Variants in LRP1 observed in about 807,000 individuals in gnomAD.
LRP1 encodes prolow-density lipoprotein receptor-related protein 1.
A neutral mutation model predicts 541.5 loss-of-function variants in LRP1; 51 were observed. That is an observed-to-expected ratio of 0.09 (90% CI 0.08 to 0.12). The LOEUF (loss-of-function observed/expected upper bound fraction) is 0.12, where lower values mean the gene tolerates loss of function less well. LRP1 is among the 10% of genes least tolerant of loss of function. The probability of loss-of-function intolerance (pLI) is 1.00; values close to 1 mark genes in which losing one functional copy is unlikely to be tolerated. For synonymous variants in LRP1, 2,219 were observed against 2,470.8 expected, an observed-to-expected ratio of 0.90 and a Z score of 3.02; for missense variants, 3,878 against 6,376.2, an observed-to-expected ratio of 0.61 and a Z score of 13.34.
intron 23 of LRP1, 86 bp from the exon 24 acceptor site, chr12:57,175,823 G>C: frequency 6.3e-7 from 1 of 1,577,658 alleles, no homozygotes; most frequent in African/African-American, 1.3e-5. Context: ...CCAGTGCCCG[G>C]ACCAGCAGAG....
Position 57,204,901 on chromosome 12 carries a change from C to T in LRP1, c.11194+152C>T, listed in dbSNP as rs559534727. On this transcript the variant is annotated intron_variant, in intron 72 of 88. Coordinates refer to ENST00000243077, the MANE Select transcript of LRP1 (RefSeq NM_002332.3). This position sits in a 1 kb window ranked among gnomAD's most constrained non-coding sequence, Gnocchi z 5.3. ...CATTGCTAGGAGCCTGGGGGCTTTT[C>T]GTTAGGAAAGAGAAGCCCCTGGGGA... 2.1e-4 allele frequency: 286 copies of T among 1,383,710 alleles called. No individual in the cohort carries two copies. Among genetic ancestry groups the T allele is most frequent in the Non-Finnish European group, 2.5e-4 (260 of 1,027,312 alleles). The allele number at this position is 1,383,710 out of a possible 1,614,324, so 85.7% of individuals were successfully genotyped here.
chr12:57,138,077 CAA>C (rs941127895), intron 1 of LRP1, among the ~76,000 whole-genome samples: 4 of 152,088 alleles, frequency 2.6e-5, no homozygotes, highest in Non-Finnish European at 4.4e-5. Flanking sequence ...TAGAGGAAGA[CAA>C]AGAGAAAACA....
At chr12:57,198,742 C>G in intron 60 of LRP1, 72 bp downstream of exon 60, 5 of 1,415,916 alleles carry the variant, frequency 3.5e-6, no homozygotes, top group Non-Finnish European at 4.8e-6. Context: ...GACAGGGGAT[C>G]AAGTTTTGGG....
In LRP1 at chr12:57,178,746, G is replaced by A; in HGVS notation, c.4606+143G>A. ...CAGGGGTAGGCCGGCTGTTGACAGA[G>A]GCACTGTCTAGCAGCAGAGAAGGGT... On this transcript the variant is annotated intron_variant, in intron 27 of 88. Coordinates refer to ENST00000243077, the MANE Select transcript of LRP1 (RefSeq NM_002332.3). The surrounding 1 kb of genome is among the most constrained non-coding windows in gnomAD (Gnocchi z 5.8). 6.6e-7 allele frequency: 1 copy of A among 1,510,108 alleles called. No individual in the cohort carries two copies. Among genetic ancestry groups the A allele is most frequent in the Non-Finnish European group, 9.0e-7 (1 of 1,114,912 alleles). The allele number at this position is 1,510,108 out of a possible 1,614,324, so 93.5% of individuals were successfully genotyped here.
Position 57,158,772 on chromosome 12 carries a change from G to A in LRP1, c.1798+134G>A. ...GCACTGGTTGGCATGGAGATGAGGG[G>A]ATAGACAGATTGACCCCTGTGTGAC... is the stretch of plus-strand genomic sequence containing the variant. On this transcript the variant is annotated intron_variant, in intron 11 of 88. Coordinates refer to ENST00000243077, the MANE Select transcript of LRP1 (RefSeq NM_002332.3). The surrounding 1 kb of genome is among the most constrained non-coding windows in gnomAD (Gnocchi z 5.3). The A allele has an allele frequency of 1.2e-6, 1 of 815,588 alleles. No individual in the cohort carries two copies. The highest frequency in any genetic ancestry group is 2.0e-6 in the Non-Finnish European group (1 of 502,676). The allele number at this position is 815,588 out of a possible 1,614,324, so 50.5% of individuals were successfully genotyped here.
Position 57,177,286 on chromosome 12 carries a change from C to G in LRP1, c.4196+41C>G, listed in dbSNP as rs779368875. Reference sequence around the variant, plus strand: ...AGCCTTCTCCTGGCCCCATGGCCCCCCTGAAGTCCCATTCAGCCTGGCCAG... The same window carrying G: ...AGCCTTCTCCTGGCCCCATGGCCCCGCTGAAGTCCCATTCAGCCTGGCCAG... On this transcript the variant is annotated intron_variant, in intron 25 of 88. Coordinates refer to ENST00000243077, the MANE Select transcript of LRP1 (RefSeq NM_002332.3). The surrounding 1 kb of genome is among the most constrained non-coding windows in gnomAD (Gnocchi z 6.8). 1.2e-6 allele frequency: 2 copies of G among 1,604,116 alleles called. No individual in the cohort carries two copies. Among genetic ancestry groups the G allele is most frequent in the Non-Finnish European group, 1.7e-6 (2 of 1,172,368 alleles).
intron 12 of LRP1, among the ~76,000 whole-genome samples, chr12:57,160,209 C>T (rs1349138040): frequency 6.6e-6 from 1 of 152,148 alleles, no homozygotes; most frequent in African/African-American, 2.4e-5. Context: ...CTGATCCTGT[C>T]ACTCCCAGTT....
In LRP1 at chr12:57,169,389, C is replaced by G. The variant is rs1030146449; in HGVS notation, c.3163+82C>G. On this transcript the variant is annotated intron_variant, in intron 20 of 88. Transcript: ENST00000243077. ...CCAGCCTATCCATCTGTCTTTCAGA[C>G]CCACGGTGTGTCGGCCACCATCTGG... The G allele has an allele frequency of 2.2e-6, 3 of 1,350,026 alleles. No individual in the cohort carries two copies. The African/African-American group carries it at 4.3e-5, about 19-fold the overall frequency. The allele number at this position is 1,350,026 out of a possible 1,614,324, so 83.6% of individuals were successfully genotyped here.
At chr12:57,130,623 A>T (rs996595428) in intron 1 of LRP1, among the ~76,000 whole-genome samples, 1 of 152,068 alleles carries the variant, frequency 6.6e-6, no homozygotes, top group Admixed American at 6.5e-5. Context: ...AATAGAAAAA[A>T]AATTTGAGAG....
chr12:57,141,148 G>A (rs1043651303), intron 2 of LRP1, among the ~76,000 whole-genome samples: 4 of 152,166 alleles, frequency 2.6e-5, no homozygotes, highest in African/African-American at 9.7e-5. Context: ...GCATTTGGAG[G>A]GTGGACTCTA....
intron 48 of LRP1, 52 bp from the exon 49 acceptor site, chr12:57,194,302 C>T (rs1014711560): frequency 1.1e-5 from 16 of 1,500,252 alleles, no homozygotes; most frequent in Non-Finnish European, 1.4e-5. Flanking sequence ...CTGCCCCAGT[C>T]GGGGGTGATC....
At position 57,201,705 on chromosome 12, in the gene LRP1, T is replaced by C. The variant is rs2036659798; in HGVS notation, c.10469-75T>C. On this transcript the variant is annotated intron_variant, in intron 66 of 88. Transcript: ENST00000243077. The surrounding 1 kb of genome is among the most constrained non-coding windows in gnomAD (Gnocchi z 6.4). ...GACGTGTGACCCCCTCAGTGGCTGC[T>C]CCCTCACTCTCCCCACCCTCCCGGC... is the stretch of plus-strand genomic sequence containing the variant. 3 of 1,595,224 alleles carry C rather than the reference T, an allele frequency of 1.9e-6. No individual in the cohort carries two copies. Among genetic ancestry groups the C allele is most frequent in the Non-Finnish European group, 2.6e-6 (3 of 1,166,986 alleles).
chr12:57,145,525 A>T, intron 6 of LRP1, 35 bp downstream of exon 6: 1 of 1,602,980 alleles, frequency 6.2e-7, no homozygotes, highest in African/African-American at 1.3e-5. Context: ...AGGGCTGGGG[A>T]GGGTAGGGGA....
Position 57,210,162 on chromosome 12 carries a change from C to T in LRP1, c.12573C>T (p.Pro4191=). ...TGCCTGTGCCCTCTCCAACGCCCCCCCCAGATGGTATGCTTATGCCCTCCC... is the reference window on the plus strand; with the variant it reads ...TGCCTGTGCCCTCTCCAACGCCCCCTCCAGATGGTATGCTTATGCCCTCCC... ...TCVPVPSPTP[P]PDAPRPGTCN... is the part of the protein sequence containing the mutation. The change falls in exon 81 of 89, where the codon CCC becomes CCT. Residue 4191 remains proline, a synonymous_variant. Coordinates refer to ENST00000243077, the MANE Select transcript of LRP1 (RefSeq NM_002332.3). 2 of 1,598,462 alleles carry T rather than the reference C, an allele frequency of 1.3e-6. No homozygotes were observed. The highest frequency in any genetic ancestry group is 1.7e-6 in the Non-Finnish European group (2 of 1,172,158).
chr12:57,135,110 C>T (rs1022343001), intron 1 of LRP1, among the ~76,000 whole-genome samples: 7 of 152,144 alleles, frequency 4.6e-5, no homozygotes, highest in African/African-American at 1.2e-4. Flanking sequence ...AGAGGGGGGC[C>T]GCAAGGGCAC....
At position 57,195,381 on chromosome 12, in the gene LRP1, A is replaced by G; in HGVS notation, c.8419A>G (p.Ser2807Gly). ...DKDCADGADESIAAGCLYNST... is the reference protein window; with the variant it reads ...DKDCADGADEGIAAGCLYNST... ...AGACTGTGCTGATGGTGCAGACGAGAGCATCGCAGCTGGTTGCTGTGAGTG... is the reference window on the plus strand; with the variant it reads ...AGACTGTGCTGATGGTGCAGACGAGGGCATCGCAGCTGGTTGCTGTGAGTG... The change falls in exon 52 of 89, where the codon AGC becomes GGC. Residue 2807 changes from serine to glycine, a missense_variant. By Grantham distance (56) the Ser-to-Gly change is moderately conservative. This residue lies in a region of LRP1 where 1,100 missense variants were observed against 1,827.4 expected (regional missense o/e 0.60). Transcript: ENST00000243077. 1 of 1,608,178 alleles carries G rather than the reference A, an allele frequency of 6.2e-7. No homozygotes were observed. Among genetic ancestry groups the G allele is most frequent in the South Asian group, 1.1e-5 (1 of 91,084 alleles).
rs773495552 is a variant in LRP1 at position 57,203,436 on chromosome 12, C to T, written c.10866C>T (p.Ser3622=). 1.5e-5 allele frequency: 24 copies of T among 1,608,018 alleles called. No individual in the cohort carries two copies. Among genetic ancestry groups the T allele is most frequent in the East Asian group, 1.1e-4 (5 of 44,620 alleles). ...ACATGGACCAGTTCCAGTGCAAGAG[C>T]GGCCACTGCATCCCCCTGCGCTGGC... ...RCDMDQFQCK[S]GHCIPLRWRC... Residue 3622 remains serine (S), a synonymous_variant, in exon 70 of 89, where the codon AGC becomes AGT. Coordinates refer to ENST00000243077, the MANE Select transcript of LRP1 (RefSeq NM_002332.3).
chr12:57,153,699 T>G (rs1483523945), intron 6 of LRP1, among the ~76,000 whole-genome samples: 2 of 152,162 alleles, frequency 1.3e-5, no homozygotes, highest in African/African-American at 4.8e-5. Flanking sequence ...AGTTCATATT[T>G]TGAAATACTT....
chr12:57,211,581 G>A lies in LRP1; in HGVS notation c.13186G>A (p.Glu4396Lys), dbSNP rs1555189148. Reference protein sequence around the residue: ...SCTMNSKMMPECQCPPHMTGP... With the variant: ...SCTMNSKMMPKCQCPPHMTGP... ...TACCATGAACAGCAAAATGATGCCT[G>A]AGTGCCAGTGAGTTGGGCCCGGGCT... The change falls in exon 85 of 89, where the codon GAG (glutamate) becomes AAG (lysine). Residue 4396 changes from glutamate (E) to lysine (K), a missense_variant. Coordinates refer to ENST00000243077, the MANE Select transcript of LRP1 (RefSeq NM_002332.3). The surrounding 1 kb of genome is among the most constrained non-coding windows in gnomAD (Gnocchi z 4.3). 6.2e-7 allele frequency: 1 copy of A among 1,613,922 alleles called. No individual in the cohort carries two copies. Among genetic ancestry groups the A allele is most frequent in the Non-Finnish European group, 8.5e-7 (1 of 1,180,004 alleles).
Sources: allele counts gnomAD v4.1 joint callset (sites outside exome capture counted in the v4.1 genomes callset), GRCh38; gene constraint gnomAD v4.1.1; regional missense constraint gnomAD v4.1.1; non-coding constraint Gnocchi (gnomAD v3.1); transcripts MANE v1.5; gene names NCBI Gene and HGNC (gene_info 2026-07-23, HGNC 2026-07-21).